The following ZNF451 variants were observed in gnomAD, a reference collection of about 807,000 sequenced individuals.
The protein encoded by ZNF451 is E3 SUMO-protein ligase ZNF451.
In ZNF451, 80 loss-of-function variants were observed where a neutral mutation model predicts 107.1. The ratio of observed to expected loss-of-function variants is 0.75; its 90% CI spans 0.62 to 0.90. The LOEUF is 0.90. Among genes scored for constraint, ZNF451 ranks in the 40% least tolerant of loss-of-function variants. ZNF451 has a pLI of 0.00. For synonymous variants in ZNF451, 362 were observed against 406.5 expected (o/e 0.89, Z 1.32); for missense variants, 1,107 against 1,236.2 (o/e 0.90, Z 1.57).
Position 57,168,414 on chromosome 6 carries a change from T to G in ZNF451, c.3140-9T>G. 1.9e-6 allele frequency: 3 copies of G among 1,598,224 alleles called. No individual in the cohort carries two copies. The highest frequency in any genetic ancestry group is 2.6e-6 in the Non-Finnish European group (3 of 1,169,320). Reference sequence around the variant, plus strand: ...CCTAAGTGTTAAAATTCTATGTTTTTTAATGCAGATGTGGAATTAGAAGAA... The same window carrying G: ...CCTAAGTGTTAAAATTCTATGTTTTGTAATGCAGATGTGGAATTAGAAGAA... On this transcript the variant is annotated splice_polypyrimidine_tract_variant and intron_variant, in intron 14 of 14. Transcript: ENST00000370706.
chr6:57,142,140 G>C (rs1190769502), intron 9 of ZNF451, 45 bp downstream of exon 9: 1 of 1,519,004 alleles, frequency 6.6e-7, no homozygotes, highest in Non-Finnish European at 8.9e-7. Flanking sequence ...ATGAGTGTTT[G>C]CCAGTGAGAA....
intron 7 of ZNF451, among the ~76,000 whole-genome samples, chr6:57,137,226 A>T (rs1487776973): frequency 6.6e-6 from 1 of 152,246 alleles, no homozygotes; most frequent in Non-Finnish European, 1.5e-5. Flanking sequence ...AGAGGTCACT[A>T]GAAGATTGTA....
At chr6:57,158,342 ACATT>A (rs1013601369) in intron 13 of ZNF451, among the ~76,000 whole-genome samples, 11 of 152,016 alleles carry the variant, frequency 7.2e-5, no homozygotes, top group African/African-American at 1.9e-4. Flanking sequence ...TTTTTAAATA[ACATT>A]CAGGAAGAAT....
At chr6:57,121,261 C>T (rs1593116400) in intron 3 of ZNF451, among the ~76,000 whole-genome samples, 1 of 152,110 alleles carries the variant, frequency 6.6e-6, no homozygotes, top group African/African-American at 2.4e-5. Context: ...TTTGACAGTA[C>T]CACACAGTCT....
chr6:57,142,053 A>G lies in ZNF451; in HGVS notation c.962A>G (p.His321Arg). The change falls in exon 9 of 15, where the codon CAC (histidine) becomes CGC (arginine). Residue 321 changes from histidine (H) to arginine (R), a missense_variant. By Grantham distance (29) the His-to-Arg change is conservative (BLOSUM62 0). Transcript: ENST00000370706. ...TTTCAAGTTAAGTGTGTGGCCTGCC[A>G]CAAGACACTGCGTTCCCACATGGAG... ...VPFQVKCVAC[H>R]KTLRSHMELT... 1 of 1,613,928 alleles carries G rather than the reference A, an allele frequency of 6.2e-7. No individual in the cohort carries two copies. Among genetic ancestry groups the G allele is most frequent in the Non-Finnish European group, 8.5e-7 (1 of 1,179,816 alleles).
chr6:57,093,815 T>G (rs1483211945), intron 2 of ZNF451, among the ~76,000 whole-genome samples: 3 of 152,240 alleles, frequency 2.0e-5, no homozygotes, highest in Admixed American at 6.5e-5. Context: ...TTTTGTTGTT[T>G]TTTAAGGTGG....
intron 4 of ZNF451, 59 bp from the exon 5 acceptor site, chr6:57,128,670 C>G (rs1831039859): frequency 8.6e-6 from 10 of 1,167,388 alleles, no homozygotes; most frequent in Non-Finnish European, 1.3e-5. Context: ...GTGTCAAAAT[C>G]CTTTTCTCAA....
At chr6:57,110,597 C>G (rs577263058) in intron 3 of ZNF451, among the ~76,000 whole-genome samples, 2 of 152,242 alleles carry the variant, frequency 1.3e-5, no homozygotes, top group African/African-American at 2.4e-5. Flanking sequence ...TCAGGGTCAC[C>G]TATGGAAAGG....
intron 3 of ZNF451, chr6:57,103,532 G>A (rs1829705267): frequency 4.1e-6 from 4 of 985,164 alleles, no homozygotes; most frequent in Non-Finnish European, 4.8e-6. Context: ...TGGATGTATG[G>A]TATATCAGCC....
At chr6:57,123,538 G>A (rs1032045396) in intron 3 of ZNF451, among the ~76,000 whole-genome samples, 1 of 152,058 alleles carries the variant, frequency 6.6e-6, no homozygotes, top group African/African-American at 2.4e-5. Context: ...AGGGGGACAA[G>A]GGCTGAAAAA....
intron 8 of ZNF451, 131 bp from the exon 9 acceptor site, chr6:57,141,817 A>T: frequency 1.3e-6 from 1 of 797,328 alleles, no homozygotes; most frequent in Non-Finnish European, 1.9e-6. Context: ...GGCTTCCCTT[A>T]GATTTTTATT....
chr6:57,135,352 A>G (rs1316630567), intron 7 of ZNF451, among the ~76,000 whole-genome samples: 1 of 152,186 alleles, frequency 6.6e-6, no homozygotes, highest in Non-Finnish European at 1.5e-5. Context: ...ATGCACATCC[A>G]TGTAATACAG....
Position 57,114,622 on chromosome 6 carries a change from T to G in ZNF451, c.187-10112T>G, listed in dbSNP as rs556639349. Among the ~76,000 whole-genome samples, 8 of 152,288 alleles carry G rather than the reference T, an allele frequency of 5.3e-5. No homozygotes were observed. In the South Asian group the frequency reaches 1.7e-3, roughly 32 times the overall value. ...CTGAGAAAAGTTACATACAATTTAC[T>G]AATAGATTATGTTCCTTCTAGATGC... is the stretch of plus-strand genomic sequence containing the variant. On this transcript the variant is annotated intron_variant, in intron 3 of 14. Transcript: ENST00000370706.
At chr6:57,110,254 G>A (rs527776428) in intron 3 of ZNF451, among the ~76,000 whole-genome samples, 1 of 150,362 alleles carries the variant, frequency 6.7e-6, no homozygotes, top group Admixed American at 6.7e-5. Flanking sequence ...AAATGAAGGA[G>A]ACTAAATAGA....
rs753184680 is a variant in ZNF451, at chr6:57,147,896, G to A, written c.1811G>A (p.Gly604Asp). ...TCCCCGGCAAATAGTTCTCCGAGGG[G>A]TAAATGGCAATGCCGGATTTGTGAA... Reference protein sequence around the residue: ...DHSPANSSPRGKWQCRICEDM... With the variant: ...DHSPANSSPRDKWQCRICEDM... Residue 604 changes from glycine to aspartate, a missense_variant, in exon 10 of 15, where the codon GGT becomes GAT. Physicochemically the swap from Gly to Asp is moderately conservative, Grantham distance 94. Coordinates refer to ENST00000370706, the MANE Select transcript of ZNF451 (RefSeq NM_001031623.3). The A allele has an allele frequency of 5.6e-6, 9 of 1,614,012 alleles. No homozygotes were observed. The highest frequency in any genetic ancestry group is 1.3e-5 in the African/African-American group (1 of 74,920).
intron 7 of ZNF451, 96 bp from the exon 8 acceptor site, chr6:57,141,206 G>T: frequency 2.9e-6 from 3 of 1,045,278 alleles, no homozygotes; most frequent in Non-Finnish European, 3.9e-6. Context: ...ACAGGATATT[G>T]CGAATAAACA....
chr6:57,118,472 C>T (rs975682948), intron 3 of ZNF451, among the ~76,000 whole-genome samples: 4 of 152,034 alleles, frequency 2.6e-5, no homozygotes, highest in Non-Finnish European at 5.9e-5. Context: ...GTAGTTTTTG[C>T]AAGGAATAAA....
intron 3 of ZNF451, chr6:57,104,385 A>G: frequency 1.0e-6 from 1 of 985,396 alleles, no homozygotes; most frequent in South Asian, 4.7e-5. Flanking sequence ...AGTGTTTCTG[A>G]CTAGCTAAGG....
chr6:57,164,901 A>G (rs953486917), intron 14 of ZNF451: 1 of 152,148 alleles, frequency 6.6e-6, no homozygotes, highest in Non-Finnish European at 1.5e-5. Flanking sequence ...ATTGCTCTTT[A>G]TTTTTTCATA....
Sources: allele counts gnomAD v4.1 joint callset (sites outside exome capture counted in the v4.1 genomes callset), GRCh38; gene constraint gnomAD v4.1.1; transcripts MANE v1.5; gene names NCBI Gene and HGNC (gene_info 2026-07-23, HGNC 2026-07-21).